The following C12orf42 variants were observed in gnomAD, a reference collection of about 807,000 sequenced individuals.
C12orf42 encodes chromosome 12 open reading frame 42.
In C12orf42, 25 loss-of-function variants were observed where a neutral mutation model predicts 21.6. That is an observed-to-expected ratio of 1.16 (90% confidence interval 0.84 to 1.62). C12orf42 has a LOEUF of 1.62. C12orf42 is among the 40% of genes most tolerant of loss of function. The probability of loss-of-function intolerance (pLI) is 0.00; values close to 1 mark genes in which losing one functional copy is unlikely to be tolerated. For missense variants in C12orf42, 483 were observed against 459.3 expected, an observed-to-expected ratio of 1.05 and a Z score of -0.47; for synonymous variants, 174 against 175.0, an observed-to-expected ratio of 0.99 and a Z score of 0.05.
intron 4 of C12orf42, among the ~76,000 whole-genome samples, chr12:103,364,883 C>T (rs945773348): frequency 6.6e-6 from 1 of 152,022 alleles, no homozygotes; most frequent in Non-Finnish European, 1.5e-5. Context: ...GGCAGATTCA[C>T]AGTTGAATTC....
At chr12:103,068,633 T>A in the C12orf42 span, among the ~76,000 whole-genome samples, 1 of 151,838 alleles carries the variant, frequency 6.6e-6, no homozygotes, top group Admixed American at 6.6e-5. Flanking sequence ...GTGGGCACCA[T>A]ATAATCAGCT....
At chr12:103,231,350 G>A in the C12orf42 span, among the ~76,000 whole-genome samples, 207 of 152,210 alleles carry the variant, frequency 1.4e-3, 2 homozygotes, top group Admixed American at 9.9e-3. Flanking sequence ...GTTCACCCTC[G>A]GTGCTGTACA....
At chr12:103,094,333 C>T in the C12orf42 span, among the ~76,000 whole-genome samples, 4 of 152,154 alleles carry the variant, frequency 2.6e-5, no homozygotes, top group African/African-American at 9.7e-5. Flanking sequence ...TATGGCTTTA[C>T]TATATAGGTA....
the C12orf42 span, among the ~76,000 whole-genome samples, chr12:103,182,006 T>C: frequency 6.6e-6 from 1 of 152,216 alleles, no homozygotes; most frequent in Non-Finnish European, 1.5e-5. Context: ...GTAATTAGAA[T>C]GACCACTCTT....
chr12:103,073,804 C>T, the C12orf42 span, among the ~76,000 whole-genome samples: 1 of 152,134 alleles, frequency 6.6e-6, no homozygotes, highest in African/African-American at 2.4e-5. Flanking sequence ...TTAATTGAGT[C>T]TCAAATGTGG....
chr12:103,249,680 C>T (rs536515732), intron 10 of C12orf42, among the ~76,000 whole-genome samples: 4 of 152,140 alleles, frequency 2.6e-5, no homozygotes, highest in African/African-American at 9.6e-5. Flanking sequence ...CAGGGACTAC[C>T]CAGTTTCAGT....
At chr12:103,341,765 A>G (rs764170541) in intron 4 of C12orf42, among the ~76,000 whole-genome samples, 2 of 152,250 alleles carry the variant, frequency 1.3e-5, no homozygotes, top group African/African-American at 2.4e-5. Context: ...AGACATAAAT[A>G]GTATTAAAGT....
the C12orf42 span, among the ~76,000 whole-genome samples, chr12:103,225,662 C>T: frequency 6.6e-6 from 1 of 152,044 alleles, no homozygotes; most frequent in African/African-American, 2.4e-5. Context: ...AATAAGGGAA[C>T]TGGGCAGGTG....
chr12:103,282,288 A>C (rs984977096), intron 4 of C12orf42, among the ~76,000 whole-genome samples: 2 of 152,340 alleles, frequency 1.3e-5, no homozygotes, highest in South Asian at 4.1e-4. Flanking sequence ...TGAGAGAGGA[A>C]GTGAAATGGG....
intron 2 of C12orf42, among the ~76,000 whole-genome samples, chr12:103,453,658 T>C (rs1195840485): frequency 6.6e-6 from 1 of 152,142 alleles, no homozygotes; most frequent in Non-Finnish European, 1.5e-5. Context: ...CTTGCTGTCA[T>C]GGCTTTATTC....
the C12orf42 span, among the ~76,000 whole-genome samples, chr12:103,149,041 T>C: frequency 1.3e-5 from 2 of 152,174 alleles, no homozygotes; most frequent in Non-Finnish European, 2.9e-5. Flanking sequence ...GTTGTCTTTG[T>C]AGAGGGTCAG....
chr12:103,291,068 A>G (rs182351661), intron 4 of C12orf42, among the ~76,000 whole-genome samples: 2 of 152,290 alleles, frequency 1.3e-5, no homozygotes, highest in East Asian at 3.9e-4. Flanking sequence ...TAGTCAGATG[A>G]TTGGTAAATG....
Position 103,369,007 on chromosome 12 carries a change from T to G in C12orf42, c.148-9A>C. ...TCATAACAAGGGATGTGCTGTAAGA[T>G]AGAGGAGAAAAATACACACAAAAAA... is the stretch of plus-strand genomic sequence containing the variant. On this transcript the variant is annotated splice_polypyrimidine_tract_variant and intron_variant, in intron 3 of 5. Transcript: ENST00000548883. The G allele has an allele frequency of 6.6e-7, 1 of 1,505,204 alleles. No homozygotes were observed. Among genetic ancestry groups the G allele is most frequent in the Non-Finnish European group, 9.1e-7 (1 of 1,099,400 alleles). The allele number at this position is 1,505,204 out of a possible 1,614,324, so 93.2% of individuals were successfully genotyped here.
chr12:103,194,207 A>G, the C12orf42 span, among the ~76,000 whole-genome samples: 69 of 152,124 alleles, frequency 4.5e-4, no homozygotes, highest in African/African-American at 1.3e-3. Flanking sequence ...TGAAAAACCC[A>G]TAGGTAGCAT....
At chr12:103,118,313 T>A in the C12orf42 span, among the ~76,000 whole-genome samples, 2 of 152,282 alleles carry the variant, frequency 1.3e-5, no homozygotes, top group African/African-American at 4.8e-5. Context: ...AAACAATGAA[T>A]GGATGAATGA....
intron 1 of C12orf42, among the ~76,000 whole-genome samples, chr12:103,494,743 T>C (rs1405247487): frequency 1.3e-5 from 2 of 152,174 alleles, no homozygotes; most frequent in African/African-American, 2.4e-5. Flanking sequence ...AGTATTAAAA[T>C]TGTGAATAGT....
intron 4 of C12orf42, among the ~76,000 whole-genome samples, chr12:103,315,131 T>C (rs1397920484): frequency 4.6e-5 from 7 of 152,188 alleles, no homozygotes. Context: ...ACTAAAGATT[T>C]GTTTATCCCA....
intron 2 of C12orf42, among the ~76,000 whole-genome samples, chr12:103,438,692 A>G (rs1247465622): frequency 2.6e-5 from 4 of 152,024 alleles, no homozygotes; most frequent in East Asian, 1.9e-4. Flanking sequence ...TAGGAATCCA[A>G]CTTACAAGGG....
the C12orf42 span, among the ~76,000 whole-genome samples, chr12:103,091,275 C>A: frequency 6.6e-6 from 1 of 152,038 alleles, no homozygotes; most frequent in Non-Finnish European, 1.5e-5. Flanking sequence ...AGGCAGGCAG[C>A]CGCACCTGTC....
Sources: allele counts gnomAD v4.1 joint callset (sites outside exome capture counted in the v4.1 genomes callset), GRCh38; gene constraint gnomAD v4.1.1; transcripts MANE v1.5; gene names NCBI Gene and HGNC (gene_info 2026-07-23, HGNC 2026-07-21).